Variants in NFRKB observed in about 807,000 individuals in gnomAD.
NFRKB encodes nuclear factor related to kappa-B-binding protein.
A neutral mutation model predicts 135.7 loss-of-function variants in NFRKB; 62 were observed. The ratio of observed to expected loss-of-function variants is 0.46; its 90% confidence interval spans 0.37 to 0.56. NFRKB has a LOEUF of 0.56. Ranked by LOEUF, NFRKB falls within the 20% of genes least tolerant of loss-of-function variation. The pLI, the probability that NFRKB is intolerant of heterozygous loss-of-function variation, is 0.00. For synonymous variants in NFRKB, 678 were observed against 635.6 expected (o/e 1.07, Z -1.00); for missense variants, 1,545 against 1,662.0 (o/e 0.93, Z 1.22).
At chr11:129,884,545 A>G (rs1949180349) in intron 7 of NFRKB, among the ~76,000 whole-genome samples, 200 bp downstream of exon 7, 1 of 152,360 alleles carries the variant, frequency 6.6e-6, no homozygotes, top group East Asian at 1.9e-4. Flanking sequence ...ATTTTAAAAC[A>G]AAAGAAAAAA....
At chr11:129,885,968 A>G (rs1949257666) in intron 5 of NFRKB, among the ~76,000 whole-genome samples, 1 of 152,220 alleles carries the variant, frequency 6.6e-6, no homozygotes, top group Non-Finnish European at 1.5e-5. Context: ...GCTACCATCC[A>G]TCACAGCATT....
At position 129,883,936 on chromosome 11, in the gene NFRKB, G is replaced by A. The variant is rs986845810; in HGVS notation, c.816+134C>T. 5.3e-5 allele frequency: 50 copies of A among 944,248 alleles called. 2 individuals are homozygous for A. The highest frequency in any genetic ancestry group is 3.1e-4 in the South Asian group (23 of 75,292). 58.5% of individuals were successfully genotyped at this position (944,248 alleles called of 1,614,324 possible). On this transcript the variant is annotated intron_variant, in intron 8 of 26. Transcript: ENST00000682444. Reference sequence around the variant, plus strand: ...CACATCGTTGATGCTAGCTAGCCTCGCCAGCTGCTCCTGTGCCCACAGTGG... The same window carrying A: ...CACATCGTTGATGCTAGCTAGCCTCACCAGCTGCTCCTGTGCCCACAGTGG...
chr11:129,880,056 G>A (rs573082613), intron 13 of NFRKB, among the ~76,000 whole-genome samples: 5 of 152,158 alleles, frequency 3.3e-5, no homozygotes, highest in African/African-American at 4.8e-5. Flanking sequence ...GCATGGTTGC[G>A]TACGCCTGTG....
At chr11:129,872,301 C>T (rs1258802950) in intron 23 of NFRKB, among the ~76,000 whole-genome samples, 1 of 152,026 alleles carries the variant, frequency 6.6e-6, no homozygotes, top group African/African-American at 2.4e-5. Flanking sequence ...CACTCTCTGG[C>T]TTAATGTTTG....
At position 129,881,487 on chromosome 11, in the gene NFRKB, G is replaced by C. The variant is rs955284418; in HGVS notation, c.1340C>G (p.Pro447Arg). 6.2e-7 allele frequency: 1 copy of C among 1,614,122 alleles called. No homozygotes were observed. Among genetic ancestry groups the C allele is most frequent in the Admixed American group, 1.7e-5 (1 of 60,018 alleles). The change falls in exon 13 of 27, where the codon CCA (proline) becomes CGA (arginine). Residue 447 changes from proline to arginine, a missense_variant. Physicochemically the swap from Pro to Arg is moderately radical, Grantham distance 103 (BLOSUM62 -2). Coordinates refer to ENST00000682444, the MANE Select transcript of NFRKB (RefSeq NM_001143835.2). ...GGTTTTCTCTTTGAATTCAACAAATGGAGAGAAACTGGAAGGAACAGCTGC... is the reference window on the plus strand; with the variant it reads ...GGTTTTCTCTTTGAATTCAACAAATCGAGAGAAACTGGAAGGAACAGCTGC... ...ESRAVPSSFS[P>R]FVEFKEKTQQ...
At chr11:129,875,144 A>G (rs992956974) in intron 18 of NFRKB, among the ~76,000 whole-genome samples, 6 of 152,234 alleles carry the variant, frequency 3.9e-5, no homozygotes, top group Admixed American at 1.3e-4. Flanking sequence ...CTGTGAAGTA[A>G]GTGACCAGTC....
intron 17 of NFRKB, among the ~76,000 whole-genome samples, chr11:129,876,466 C>T (rs1324623755): frequency 6.6e-6 from 1 of 152,128 alleles, no homozygotes; most frequent in East Asian, 1.9e-4. Context: ...AAAGCAAATT[C>T]CTGTATTTAA....
intron 2 of NFRKB, 76 bp from the exon 3 acceptor site, chr11:129,892,946 A>G (rs558232761): frequency 1.2e-6 from 2 of 1,602,220 alleles, no homozygotes; most frequent in Non-Finnish European, 1.7e-6. Flanking sequence ...CTCCTCCAGG[A>G]AAACATTCAA....
rs12799223 is a variant in NFRKB at position 129,864,862 on chromosome 11, G to A, written c.3775-12C>T. On this transcript the variant is annotated splice_polypyrimidine_tract_variant and intron_variant, in intron 26 of 26. Coordinates refer to ENST00000682444, the MANE Select transcript of NFRKB (RefSeq NM_001143835.2). ...GTCTGGATGCGCACCTGTTTGCAAA[G>A]ACAGAAGGTCAGGTCAATGGATTGC... 9.9e-3 allele frequency: 15,911 copies of A among 1,614,196 alleles called. 156 individuals carry two copies. Among genetic ancestry groups the A allele is most frequent in the Middle Eastern group, 0.058 (353 of 6,056 alleles).
intron 5 of NFRKB, among the ~76,000 whole-genome samples, chr11:129,886,077 A>C (rs980617043): frequency 6.6e-6 from 1 of 152,240 alleles, no homozygotes; most frequent in African/African-American, 2.4e-5. Flanking sequence ...CTTCGTAAAC[A>C]CTGAAGCTAC....
chr11:129,868,324 C>A (rs1764578516), intron 24 of NFRKB, among the ~76,000 whole-genome samples: 1 of 152,164 alleles, frequency 6.6e-6, no homozygotes, highest in Non-Finnish European at 1.5e-5. Flanking sequence ...GAGCACATGC[C>A]AATCTCCAAA....
At chr11:129,883,924 C>CTAG in intron 8 of NFRKB, 146 bp downstream of exon 8, 4 of 844,944 alleles carry the variant, frequency 4.7e-6, no homozygotes, top group Non-Finnish European at 8.1e-6. Flanking sequence ...ATCGTTGATG[C>CTAG]TAGCTAGCCT....
At chr11:129,879,843 A>G (rs1440647828) in intron 13 of NFRKB, among the ~76,000 whole-genome samples, 1 of 152,138 alleles carries the variant, frequency 6.6e-6, no homozygotes, top group Admixed American at 6.5e-5. Flanking sequence ...AAACCCACAC[A>G]TCCTACTGTC....
In NFRKB at chr11:129,881,295, T is replaced by C. The variant is rs576501728; in HGVS notation, c.1384+148A>G. The C allele has an allele frequency of 4.8e-5, 34 of 709,636 alleles. No homozygotes were observed. The African/African-American group carries it at 4.8e-4, about 10-fold the overall frequency. The allele number at this position is 709,636 out of a possible 1,614,324, so 44.0% of individuals were successfully genotyped here. On this transcript the variant is annotated intron_variant, in intron 13 of 26. Transcript: ENST00000682444. ...CCACCTTGAGAGTACAAAAAGGGTG[T>C]TGAAGGACTCCTTCACAGAGCAAAA... is the stretch of plus-strand genomic sequence containing the variant.
chr11:129,892,530 T>C (rs1949605778), intron 3 of NFRKB, among the ~76,000 whole-genome samples, 185 bp downstream of exon 3: 1 of 152,218 alleles, frequency 6.6e-6, no homozygotes, highest in East Asian at 1.9e-4. Flanking sequence ...GCTTGTTTTC[T>C]TCCTTAATCG....
At position 129,864,731 on chromosome 11, in the gene NFRKB, T is replaced by C. The variant is rs373524014; in HGVS notation, c.3894A>G (p.Gln1298=). The stretch of plus-strand genomic sequence containing the variant: ...AAGCCATCCTCTCTCATAATCATTG[T>C]TGCTCAGGTGCCTGTTTAGGAGACG... ...TAPSPKQAPE[Q]Q Residue 1298 remains glutamine, a synonymous_variant, in exon 27 of 27, where the codon CAA becomes CAG. Coordinates refer to ENST00000682444, the MANE Select transcript of NFRKB (RefSeq NM_001143835.2). 7.2e-5 allele frequency: 116 copies of C among 1,614,090 alleles called. No individual in the cohort carries two copies. Among genetic ancestry groups the C allele is most frequent in the Non-Finnish European group, 6.7e-5 (79 of 1,180,046 alleles).
chr11:129,874,781 G>A lies in NFRKB; in HGVS notation c.1978+12C>T. The A allele has an allele frequency of 2.5e-6, 4 of 1,614,170 alleles. No homozygotes were observed. The East Asian group carries it at 6.7e-5, about 27-fold the overall frequency. On this transcript the variant is annotated intron_variant, in intron 19 of 26. Coordinates refer to ENST00000682444, the MANE Select transcript of NFRKB (RefSeq NM_001143835.2). The surrounding 1 kb of genome is among the most constrained non-coding windows in gnomAD (Gnocchi z 4.5). The stretch of plus-strand genomic sequence containing the variant: ...CCAGTCTGGTCGGACAGTGCCCAGA[G>A]GCCTCACACACCAAACTCTTCTTCA...
At chr11:129,886,231 T>G (rs1949270829) in intron 5 of NFRKB, 86 bp downstream of exon 5, 1 of 1,490,224 alleles carries the variant, frequency 6.7e-7, no homozygotes, top group African/African-American at 1.4e-5. Context: ...TCGTGGCAAT[T>G]TTTGTGTTTT....
Position 129,884,750 on chromosome 11 carries a change from G to A in NFRKB, c.737C>T (p.Thr246Ile), listed in dbSNP as rs781452005. 1.2e-6 allele frequency: 2 copies of A among 1,613,856 alleles called. No individual in the cohort carries two copies. The highest frequency in any genetic ancestry group is 1.3e-5 in the African/African-American group (1 of 75,050). The change falls in exon 7 of 27, where the codon ACT (threonine) becomes ATT (isoleucine). Residue 246 changes from threonine (T) to isoleucine (I), a missense_variant. Physicochemically the swap from Thr to Ile is moderately conservative, Grantham distance 89 (BLOSUM62 -1). This residue lies in a region of NFRKB where 678 missense variants were observed against 646.7 expected (regional missense o/e 1.05). Coordinates refer to ENST00000682444, the MANE Select transcript of NFRKB (RefSeq NM_001143835.2). ...VPTLSTTDMK[T>I]ADKVELGDSD... is the part of the protein sequence containing the mutation. ...AGCGGCAGCTTGGTTCTCACCTGCA[G>A]TTTTCATATCCGTGGTTGAAAGTGT...
Sources: gnomAD v4.1 joint callset for allele counts (sites outside exome capture counted in the v4.1 genomes callset) on GRCh38, gnomAD v4.1.1 for gene constraint, gnomAD v4.1.1 regional missense constraint, Gnocchi (gnomAD v3.1) non-coding constraint, MANE v1.5 for transcripts, NCBI Gene and HGNC (gene_info 2026-07-23, HGNC 2026-07-21) for gene names.